The following ERBB4 variants were observed in gnomAD, a reference collection of about 807,000 sequenced individuals.
ERBB4 encodes the protein erb-b2 receptor tyrosine kinase 4.
In ERBB4, 42 loss-of-function variants were observed where a neutral mutation model predicts 158.0. The ratio of observed to expected loss-of-function variants is 0.27; its 90% CI spans 0.21 to 0.34. The LOEUF (loss-of-function observed/expected upper bound fraction) is 0.34, where lower values mean the gene tolerates loss of function less well. ERBB4 is among the 10% of genes least tolerant of loss of function. The pLI, the probability that ERBB4 is intolerant of heterozygous loss-of-function variation, is 1.00. For synonymous variants in ERBB4, 583 were observed against 558.7 expected (o/e 1.04, Z -0.61); for missense variants, 1,333 against 1,624.1 (o/e 0.82, Z 3.08).
Position 211,858,648 on chromosome 2 carries a change from A to G in ERBB4, c.422-70489T>C, listed in dbSNP as rs533732718. On this transcript the variant is annotated intron_variant, in intron 3 of 27. Coordinates refer to ENST00000342788, the MANE Select transcript of ERBB4 (RefSeq NM_005235.3). ...CTTGGCTAGCGTTTCTCTGTTAGCTATAACAAAAACCTAGTTGTAAATAAG... is the reference window on the plus strand; with the variant it reads ...CTTGGCTAGCGTTTCTCTGTTAGCTGTAACAAAAACCTAGTTGTAAATAAG... Among the ~76,000 whole-genome samples the G allele has an allele frequency of 3.7e-4, 56 of 152,322 alleles. 1 individual carries two copies. The highest frequency in any genetic ancestry group is 9.8e-4 in the Admixed American group (15 of 15,304).
chr2:212,405,230 T>C (rs2091312562), intron 1 of ERBB4, among the ~76,000 whole-genome samples: 1 of 151,890 alleles, frequency 6.6e-6, no homozygotes, highest in African/African-American at 2.4e-5. Flanking sequence ...AACAAGCATA[T>C]GAAAAAAAAT....
At chr2:211,670,824 C>G (rs1180203563) in intron 14 of ERBB4, among the ~76,000 whole-genome samples, 2 of 152,004 alleles carry the variant, frequency 1.3e-5, no homozygotes, top group East Asian at 3.9e-4. Context: ...AAATATGATC[C>G]AAGATAATCA....
chr2:211,630,442 A>C lies in ERBB4; in HGVS notation c.2079+20T>G, dbSNP rs764502475. ...GATGAAAATCCCCAAACACATGAAG[A>C]GGAGAAAGAAATACCTCACCTCTGT... On this transcript the variant is annotated intron_variant, in intron 17 of 27. Transcript: ENST00000342788. 2 of 1,612,904 alleles carry C rather than the reference A, an allele frequency of 1.2e-6. No individual in the cohort carries two copies. The highest frequency in any genetic ancestry group is 2.7e-5 in the African/African-American group (2 of 74,916).
At chr2:212,005,237 G>A (rs2076232463) in intron 2 of ERBB4, among the ~76,000 whole-genome samples, 1 of 152,064 alleles carries the variant, frequency 6.6e-6, no homozygotes, top group Non-Finnish European at 1.5e-5. Context: ...GCTGGAGTTA[G>A]CCATAAAGCA....
intron 20 of ERBB4, among the ~76,000 whole-genome samples, chr2:211,474,280 T>A (rs1457947313): frequency 6.6e-6 from 1 of 151,948 alleles, no homozygotes; most frequent in Non-Finnish European, 1.5e-5. Context: ...TAAAGATAAA[T>A]AATAAAAACC....
intron 1 of ERBB4, among the ~76,000 whole-genome samples, chr2:212,254,486 C>T (rs2084652872): frequency 6.6e-6 from 1 of 152,146 alleles, no homozygotes; most frequent in African/African-American, 2.4e-5. Context: ...ACACCTACTC[C>T]CACTTGCCAG....
chr2:211,584,705 T>C (rs1008455081), intron 19 of ERBB4, among the ~76,000 whole-genome samples: 2 of 151,852 alleles, frequency 1.3e-5, no homozygotes, highest in African/African-American at 4.8e-5. Flanking sequence ...AAAGCTCACA[T>C]AGAAAAAAGT....
intron 1 of ERBB4, among the ~76,000 whole-genome samples, chr2:212,362,798 A>G (rs1048977971): frequency 6.6e-6 from 1 of 151,272 alleles, no homozygotes; most frequent in Non-Finnish European, 1.5e-5. Context: ...ACAATTGTAT[A>G]CCTAAATACT....
chr2:212,104,834 C>T (rs1296475206), intron 2 of ERBB4, among the ~76,000 whole-genome samples: 1 of 152,068 alleles, frequency 6.6e-6, no homozygotes, highest in Admixed American at 6.5e-5. Flanking sequence ...AATAAGTATA[C>T]GTTTGAATTT....
In ERBB4 at chr2:212,538,618, G is replaced by C. The variant is rs1269210070; in HGVS notation, c.-88C>G. On this transcript the variant is annotated 5_prime_UTR_variant, in exon 1 of 28. Transcript: ENST00000342788. Reference sequence around the variant, plus strand: ...GGCACGCGGAGGAGATCCCCCAGCCGGGCGCGCGTGGGGGTGCGAGGGGGG... The same window carrying C: ...GGCACGCGGAGGAGATCCCCCAGCCCGGCGCGCGTGGGGGTGCGAGGGGGG... 1.0e-5 allele frequency: 14 copies of C among 1,369,622 alleles called. No homozygotes were observed. The highest frequency in any genetic ancestry group is 1.4e-5 in the African/African-American group (1 of 69,884). The allele number at this position is 1,369,622 out of a possible 1,614,324, so 84.8% of individuals were successfully genotyped here. A position where few individuals can be genotyped will look rare whatever the true frequency, so the allele number is the denominator to read the frequency against.
intron 1 of ERBB4, among the ~76,000 whole-genome samples, chr2:212,242,675 A>C (rs1182135507): frequency 6.8e-6 from 1 of 148,006 alleles, no homozygotes; most frequent in African/African-American, 2.5e-5. Flanking sequence ...GTGAAAAAAC[A>C]AAAAAAAAAT....
chr2:212,418,051 G>A (rs1189531016), intron 1 of ERBB4, among the ~76,000 whole-genome samples: 3 of 151,926 alleles, frequency 2.0e-5, no homozygotes, highest in Non-Finnish European at 4.4e-5. Context: ...AAGTCAGGAA[G>A]AAGGCCCTTA....
At chr2:212,138,309 TCA>T (rs2125598746) in intron 1 of ERBB4, among the ~76,000 whole-genome samples, 1 of 152,276 alleles carries the variant, frequency 6.6e-6, no homozygotes, top group Admixed American at 6.5e-5. Flanking sequence ...ATAACAGTAG[TCA>T]ATGATGTTAC....
At chr2:212,356,580 AG>A (rs1316704424) in intron 1 of ERBB4, among the ~76,000 whole-genome samples, 1 of 151,922 alleles carries the variant, frequency 6.6e-6, no homozygotes, top group Non-Finnish European at 1.5e-5. Context: ...CTCCTAAAGT[AG>A]GTTTTTTTTG....
intron 1 of ERBB4, among the ~76,000 whole-genome samples, chr2:212,402,085 G>C (rs916296741): frequency 1.3e-5 from 2 of 152,004 alleles, no homozygotes; most frequent in Non-Finnish European, 2.9e-5. Flanking sequence ...AACTTTATTT[G>C]TAATAGTCAG....
At chr2:212,305,610 T>A (rs2086783229) in intron 1 of ERBB4, among the ~76,000 whole-genome samples, 1 of 151,342 alleles carries the variant, frequency 6.6e-6, no homozygotes, top group African/African-American at 2.4e-5. Context: ...TGAAAACATT[T>A]CCAGTATGCC....
chr2:211,543,587 A>AT (rs565078485), intron 20 of ERBB4, among the ~76,000 whole-genome samples: 39 of 151,798 alleles, frequency 2.6e-4, no homozygotes, highest in Middle Eastern at 3.4e-3. Context: ...CTTTTGTGGC[A>AT]TTTTTTTTAA....
At chr2:212,289,373 G>T (rs983493606) in intron 1 of ERBB4, among the ~76,000 whole-genome samples, 11 of 152,110 alleles carry the variant, frequency 7.2e-5, no homozygotes, top group African/African-American at 2.7e-4. Flanking sequence ...CTCACTAAAA[G>T]AAGTTACATT....
chr2:212,260,639 C>A (rs929979799), intron 1 of ERBB4, among the ~76,000 whole-genome samples: 23 of 152,042 alleles, frequency 1.5e-4, no homozygotes, highest in African/African-American at 5.5e-4. Flanking sequence ...ATGGTGAAAC[C>A]CCGTCTCTAC....
Sources: gnomAD v4.1 joint callset for allele counts (sites outside exome capture counted in the v4.1 genomes callset) on GRCh38, gnomAD v4.1.1 for gene constraint, MANE v1.5 for transcripts, NCBI Gene and HGNC (gene_info 2026-07-23, HGNC 2026-07-21) for gene names.